Variants in CEP78 observed in about 807,000 individuals in gnomAD.
CEP78 encodes the protein centrosomal protein 78, also known as centrosomal protein of 78 kDa.
Under a neutral mutation model 81.2 loss-of-function variants are expected in CEP78, and 76 were observed. That is an observed-to-expected ratio of 0.94 (90% CI 0.78 to 1.13). The LOEUF is 1.13. Ranked by LOEUF, CEP78 falls within the 50% of genes most tolerant of loss-of-function variation. The probability of loss-of-function intolerance (pLI) is 0.00; values close to 1 mark genes in which losing one functional copy is unlikely to be tolerated. For missense variants in CEP78, 918 were observed against 846.8 expected, an observed-to-expected ratio of 1.08 and a Z score of -1.04; for synonymous variants, 293 against 301.4, an observed-to-expected ratio of 0.97 and a Z score of 0.29.
intron 3 of CEP78, among the ~76,000 whole-genome samples, chr9:78,240,593 GGTATTC>G (rs1205030869): frequency 6.6e-6 from 1 of 152,120 alleles, no homozygotes; most frequent in Non-Finnish European, 1.5e-5. Context: ...TATACCATCT[GGTATTC>G]TCTGTTTTTT....
rs1367777263 is a variant in CEP78, at chr9:78,278,718, T to A, written c.*7867T>A. 6.6e-6 allele frequency: 1 copy of A among 152,224 alleles called. No homozygotes were observed. Among genetic ancestry groups the A allele is most frequent in the African/African-American group, 2.4e-5 (1 of 41,452 alleles). 9.4% of individuals were successfully genotyped at this position (152,224 alleles called of 1,614,324 possible). A position where few individuals can be genotyped will look rare whatever the true frequency, so the allele number is the denominator to read the frequency against. On this transcript the variant is annotated 3_prime_UTR_variant, in exon 17 of 17. Transcript: ENST00000643273. The stretch of plus-strand genomic sequence containing the variant: ...AGTCTTTCCCACATTTGTTTTATTT[T>A]ATGGCTAAAAGTCATTTCTGCATTT...
At position 78,255,068 on chromosome 9, in the gene CEP78, G is replaced by A; in HGVS notation, c.1380+104G>A. ...ACTGGACAGCTTGCATGGGAATTCT[G>A]TTTTCGCCTTCCTTCTATCTCATAT... On this transcript the variant is annotated intron_variant, in intron 11 of 16. Transcript: ENST00000643273. The A allele has an allele frequency of 3.3e-6, 3 of 899,694 alleles. No individual in the cohort carries two copies. In the East Asian group the frequency reaches 8.9e-5, roughly 27 times the overall value. The allele number at this position is 899,694 out of a possible 1,614,324, so 55.7% of individuals were successfully genotyped here.
intron 9 of CEP78, among the ~76,000 whole-genome samples, chr9:78,252,620 A>C (rs72743765): frequency 0.044 from 6,753 of 152,262 alleles, 256 homozygotes; most frequent in Admixed American, 0.14. Context: ...ACTATAAATT[A>C]TTTTCGAATG....
chr9:78,243,673 A>AT (rs1826340921), intron 5 of CEP78, 37 bp downstream of exon 5: 4 of 1,557,092 alleles, frequency 2.6e-6, no homozygotes, highest in South Asian at 2.3e-5. Flanking sequence ...AAAATATTGA[A>AT]TTTTTTGATA....
chr9:78,251,916 A>G lies in CEP78; in HGVS notation c.1078A>G (p.Thr360Ala). The change falls in exon 9 of 17, where the codon ACA (threonine) becomes GCA (alanine). Residue 360 changes from threonine (T) to alanine (A), a missense_variant. Transcript: ENST00000643273. ...TAACACTTCTCAAGTAGGATTGGCTACAAAGAAACCTGTAAGTAGTGGCAG... is the reference window on the plus strand; with the variant it reads ...TAACACTTCTCAAGTAGGATTGGCTGCAAAGAAACCTGTAAGTAGTGGCAG... Reference protein sequence around the residue: ...GKATIRIGLATKKPVSSGRKH... With the variant: ...GKATIRIGLAAKKPVSSGRKH... The G allele has an allele frequency of 1.9e-6, 3 of 1,606,222 alleles. No homozygotes were observed. The highest frequency in any genetic ancestry group is 1.1e-5 in the South Asian group (1 of 90,030).
In CEP78 at chr9:78,276,662, C is replaced by T. The variant is rs750447548; in HGVS notation, c.*5811C>T. On this transcript the variant is annotated 3_prime_UTR_variant, in exon 17 of 17. Coordinates refer to ENST00000643273, the MANE Select transcript of CEP78 (RefSeq NM_001330691.3). ...TAGAAAATGTATGAGGAAATAGACT[C>T]TCATCCACAATAGCTGCGAGAAGTA... is the stretch of plus-strand genomic sequence containing the variant. The T allele has an allele frequency of 6.6e-6, 1 of 152,028 alleles. No individual in the cohort carries two copies. Among genetic ancestry groups the T allele is most frequent in the Non-Finnish European group, 1.5e-5 (1 of 68,012 alleles). 9.4% of individuals were successfully genotyped at this position (152,028 alleles called of 1,614,324 possible).
chr9:78,263,303 G>C (rs1827362368), intron 12 of CEP78, among the ~76,000 whole-genome samples: 1 of 151,944 alleles, frequency 6.6e-6, no homozygotes, highest in Admixed American at 6.6e-5. Flanking sequence ...ATACAATTGC[G>C]TAAAAGATGG....
intron 11 of CEP78, 109 bp from the exon 12 acceptor site, chr9:78,262,798 G>C (rs1216885183): frequency 1.8e-6 from 1 of 563,242 alleles, no homozygotes; most frequent in African/African-American, 1.9e-5. Flanking sequence ...TGATATCTGA[G>C]TTCACTTCTG....
chr9:78,240,504 A>G (rs1826176330), intron 3 of CEP78, 140 bp downstream of exon 3: 1 of 724,096 alleles, frequency 1.4e-6, no homozygotes, highest in Non-Finnish European at 2.4e-6. Flanking sequence ...TCTCAAGTCT[A>G]CCATGAAAGC....
At chr9:78,239,648 C>T (rs1826124712) in intron 1 of CEP78, among the ~76,000 whole-genome samples, 2 of 152,166 alleles carry the variant, frequency 1.3e-5, no homozygotes, top group Admixed American at 6.5e-5. Context: ...ACTCTTCCGG[C>T]TACGGCTCTG....
intron 5 of CEP78, among the ~76,000 whole-genome samples, chr9:78,245,664 T>C (rs1826444583): frequency 6.6e-6 from 1 of 152,234 alleles, no homozygotes; most frequent in Non-Finnish European, 1.5e-5. Context: ...GATAATCCTT[T>C]TGAGTTGAAA....
At chr9:78,250,133 ATCTTTTT>A in intron 8 of CEP78, 2 of 395,946 alleles carry the variant, frequency 5.1e-6, no homozygotes, top group Non-Finnish European at 8.9e-6. Context: ...AAAAACAAAA[ATCTTTTT>A]TCTTAGCATG....
chr9:78,239,870 T>C (rs1181455633), intron 1 of CEP78, among the ~76,000 whole-genome samples, 153 bp from the exon 2 acceptor site: 1 of 152,248 alleles, frequency 6.6e-6, no homozygotes, highest in East Asian at 1.9e-4. Context: ...GTACATAGTT[T>C]GGTATATCCC....
intron 8 of CEP78, 48 bp downstream of exon 8, chr9:78,248,921 GTTAAAA>G (rs1173301524): frequency 1.1e-6 from 1 of 906,512 alleles, no homozygotes; most frequent in Non-Finnish European, 1.7e-6. Flanking sequence ...GTTCTAGTGT[GTTAAAA>G]TTAAAATCTC....
intron 8 of CEP78, chr9:78,250,076 A>AT (rs1385614281): frequency 2.6e-6 from 1 of 387,416 alleles, no homozygotes; most frequent in Non-Finnish European, 4.5e-6. Context: ...AAATTCTATA[A>AT]TTTTAGTAGC....
intron 12 of CEP78, 70 bp downstream of exon 12, chr9:78,263,054 A>G (rs1827349973): frequency 2.6e-6 from 2 of 784,038 alleles, no homozygotes; most frequent in African/African-American, 1.8e-5. Context: ...AGTCATACAT[A>G]CACACACTTT....
At chr9:78,242,292 G>A (rs1181508173) in intron 4 of CEP78, among the ~76,000 whole-genome samples, 2 of 152,128 alleles carry the variant, frequency 1.3e-5, no homozygotes, top group Non-Finnish European at 2.9e-5. Flanking sequence ...GGAGAGTTGA[G>A]TAGTTGCAAA....
intron 16 of CEP78, among the ~76,000 whole-genome samples, chr9:78,268,058 C>T (rs919984865): frequency 6.6e-5 from 10 of 151,918 alleles, no homozygotes; most frequent in East Asian, 3.9e-4. Flanking sequence ...AAGCAGATGT[C>T]GTAATACCGT....
chr9:78,267,325 G>A (rs919243840), intron 16 of CEP78, among the ~76,000 whole-genome samples: 2 of 152,154 alleles, frequency 1.3e-5, no homozygotes, highest in African/African-American at 4.8e-5. Context: ...ACAAAGCAGA[G>A]TACGATGAAT....
Sources: gnomAD v4.1 joint callset for allele counts (sites outside exome capture counted in the v4.1 genomes callset) on GRCh38, gnomAD v4.1.1 for gene constraint, MANE v1.5 for transcripts, NCBI Gene and HGNC (gene_info 2026-07-23, HGNC 2026-07-21) for gene names.